Variants in ABCA8 observed in about 807,000 individuals in gnomAD.
The protein encoded by ABCA8 is ABC-type organic anion transporter ABCA8.
ABCA8 carries 177 observed loss-of-function variants against 192.3 expected under a neutral mutation model. The ratio of observed to expected loss-of-function variants is 0.92; its 90% confidence interval spans 0.81 to 1.04. ABCA8 has a LOEUF of 1.04. ABCA8 is among the 50% of genes least tolerant of loss of function. The probability of loss-of-function intolerance (pLI) is 0.00; values close to 1 mark genes in which losing one functional copy is unlikely to be tolerated. For synonymous variants in ABCA8, 642 were observed against 690.2 expected, an observed-to-expected ratio of 0.93 and a Z score of 1.09; for missense variants, 1,915 against 1,904.8, an observed-to-expected ratio of 1.01 and a Z score of -0.10.
At chr17:68,910,723 G>C (rs1037842532) in intron 17 of ABCA8, among the ~76,000 whole-genome samples, 7 of 152,120 alleles carry the variant, frequency 4.6e-5, no homozygotes, top group African/African-American at 1.7e-4. Context: ...ATAGGATTTT[G>C]TTTTCCAACT....
At chr17:68,917,817 G>A (rs890452107) in intron 16 of ABCA8, among the ~76,000 whole-genome samples, 1 of 152,112 alleles carries the variant, frequency 6.6e-6, no homozygotes, top group Admixed American at 6.5e-5. Flanking sequence ...TGCAATAAGC[G>A]AGTTTCCTGG....
chr17:68,928,761 A>C (rs550873114), intron 9 of ABCA8, among the ~76,000 whole-genome samples: 3 of 152,206 alleles, frequency 2.0e-5, no homozygotes, highest in African/African-American at 7.2e-5. Flanking sequence ...AGTTATTTAT[A>C]ATTAGATTTG....
chr17:68,922,194 CTTTTTTTTTTTTTTTTTTT>C (rs201226205), intron 12 of ABCA8, 29 bp downstream of exon 12: 114 of 527,404 alleles, frequency 2.2e-4, no homozygotes, highest in African/African-American at 1.4e-3. Context: ...TTCTCTCTCT[CTTTTTTTTTTTTTTTTTTT>C]TTTTTTTTTT....
chr17:68,936,232 T>A (rs2068061393), intron 5 of ABCA8, among the ~76,000 whole-genome samples: 1 of 152,068 alleles, frequency 6.6e-6, no homozygotes, highest in Admixed American at 6.5e-5. Flanking sequence ...TTTTGAGAAC[T>A]AAGTCACAAA....
rs1220025896 is a variant in ABCA8 at position 68,940,969 on chromosome 17, A to G, written c.97-7T>C. The G allele has an allele frequency of 3.2e-6, 5 of 1,569,118 alleles. No individual in the cohort carries two copies. Among genetic ancestry groups the G allele is most frequent in the Non-Finnish European group, 4.4e-6 (5 of 1,144,168 alleles). ...GCAATGAATTCAGCCATTCCTATATAATACAGGAAAAAAGATAAAGAAAAG... is the reference window on the plus strand; with the variant it reads ...GCAATGAATTCAGCCATTCCTATATGATACAGGAAAAAAGATAAAGAAAAG... On this transcript the variant is annotated splice_region_variant and splice_polypyrimidine_tract_variant and intron_variant, in intron 3 of 39. Coordinates refer to ENST00000586539, the MANE Select transcript of ABCA8 (RefSeq NM_001288985.2).
At chr17:68,877,919 G>A (rs1166784456) in intron 32 of ABCA8, 5 of 401,350 alleles carry the variant, frequency 1.2e-5, no homozygotes, top group African/African-American at 6.1e-5. Context: ...CATAAATGTG[G>A]TGCCTGTCCA....
At position 68,919,366 on chromosome 17, in the gene ABCA8, C is replaced by A. The variant is rs760516635; in HGVS notation, c.1723G>T (p.Val575Leu). Residue 575 changes from valine (V) to leucine (L), a missense_variant, in exon 14 of 40, where the codon GTA (valine) becomes TTA (leucine). Coordinates refer to ENST00000586539, the MANE Select transcript of ABCA8 (RefSeq NM_001288985.2). Reference protein sequence around the residue: ...QSNVQFDFLTVRENLRLFAKI... With the variant: ...QSNVQFDFLTLRENLRLFAKI... Reference sequence around the variant, plus strand: ...GCAAAGAGTCTGAGGTTTTCTCTTACAGTGAGGAAGTCAAATTGCACATTG... The same window carrying A: ...GCAAAGAGTCTGAGGTTTTCTCTTAAAGTGAGGAAGTCAAATTGCACATTG... 6.2e-7 allele frequency: 1 copy of A among 1,613,968 alleles called. No individual in the cohort carries two copies. The highest frequency in any genetic ancestry group is 1.3e-5 in the African/African-American group (1 of 75,038).
intron 35 of ABCA8, chr17:68,876,174 T>C (rs984702251): frequency 2.0e-6 from 1 of 511,274 alleles, no homozygotes; most frequent in African/African-American, 1.9e-5. Context: ...CACTACGTGA[T>C]TGTGATCTAG....
rs574865019 is a variant in ABCA8, at chr17:68,895,951, C to T, written c.2765-938G>A. On this transcript the variant is annotated intron_variant, in intron 21 of 39. Transcript: ENST00000586539. Reference sequence around the variant, plus strand: ...GAGTTTCCACGACAGGAGAGGCAAGCTGAGAAGACCAGAGGCCACCACCCC... The same window carrying T: ...GAGTTTCCACGACAGGAGAGGCAAGTTGAGAAGACCAGAGGCCACCACCCC... 7.2e-5 allele frequency among the ~76,000 whole-genome samples: 11 copies of T among 152,214 alleles called. No homozygotes were observed. In the South Asian group the frequency reaches 2.3e-3, roughly 32 times the overall value.
At chr17:68,912,290 G>C (rs56285038) in intron 17 of ABCA8, among the ~76,000 whole-genome samples, 1 of 151,838 alleles carries the variant, frequency 6.6e-6, no homozygotes, top group South Asian at 2.1e-4. Context: ...AAAATCAAGC[G>C]GAAATTCTGG....
intron 33 of ABCA8, 85 bp downstream of exon 33, chr17:68,877,434 A>G: frequency 2.3e-6 from 3 of 1,330,380 alleles, no homozygotes; most frequent in Non-Finnish European, 3.0e-6. Flanking sequence ...AGAGTCTCCC[A>G]TCCTGAATTT....
chr17:68,920,704 G>A (rs967027053), intron 13 of ABCA8, among the ~76,000 whole-genome samples: 1 of 152,094 alleles, frequency 6.6e-6, no homozygotes, highest in Non-Finnish European at 1.5e-5. Flanking sequence ...TTTACCACAG[G>A]TGCTGGAGAG....
At position 68,953,612 on chromosome 17, in the gene ABCA8, C is replaced by T. The variant is rs73998584; in HGVS notation, c.-167+1607G>A. ...GACCAAGTAAAGAGGTCAGAGAGCC[C>T]ATGGAAGGAGAAGAGGGAAAGACAG... On this transcript the variant is annotated intron_variant, in intron 1 of 39. Coordinates refer to ENST00000586539, the MANE Select transcript of ABCA8 (RefSeq NM_001288985.2). Among the ~76,000 whole-genome samples, 4 of 152,120 alleles carry T rather than the reference C, an allele frequency of 2.6e-5. No homozygotes were observed. The South Asian group carries it at 8.3e-4, about 32-fold the overall frequency.
intron 21 of ABCA8, among the ~76,000 whole-genome samples, chr17:68,895,585 GT>G (rs2143423016): frequency 6.6e-6 from 1 of 152,304 alleles, no homozygotes; most frequent in East Asian, 1.9e-4. Context: ...CTGAGAAATT[GT>G]GGCATTTGAG....
chr17:68,898,587 C>G (rs2066827639), intron 21 of ABCA8, among the ~76,000 whole-genome samples: 1 of 152,046 alleles, frequency 6.6e-6, no homozygotes, highest in East Asian at 1.9e-4. Flanking sequence ...TTTTCCCTCT[C>G]TTGTATTAAC....
chr17:68,886,890 T>C, intron 26 of ABCA8, 127 bp downstream of exon 26: 1 of 462,154 alleles, frequency 2.2e-6, no homozygotes. Flanking sequence ...TGTCAGTAAC[T>C]GAATTTGTAA....
chr17:68,895,770 G>A (rs536718123), intron 21 of ABCA8, among the ~76,000 whole-genome samples: 4 of 152,274 alleles, frequency 2.6e-5, no homozygotes, highest in Non-Finnish European at 5.9e-5. Context: ...CCACATCTGC[G>A]TTGCAGAAGA....
rs767252862 is a variant in ABCA8, at chr17:68,887,113, A to G, written c.3333T>C (p.Gly1111=). 1 of 1,608,390 alleles carries G rather than the reference A, an allele frequency of 6.2e-7. No homozygotes were observed. The highest frequency in any genetic ancestry group is 8.5e-7 in the Non-Finnish European group (1 of 1,176,864). The change falls in exon 26 of 40, where the codon GGT becomes GGC. Residue 1111 remains glycine (G), a synonymous_variant. Transcript: ENST00000586539. ...IHIIQIPCAV[G]YSFSLIFMTY... ...TCATGAAGATGAGGGAAAAGGAATA[A>G]CCAACAGCACATGGGATCTAAAATC...
intron 37 of ABCA8, among the ~76,000 whole-genome samples, chr17:68,872,397 GA>G (rs1362954887): frequency 7.2e-6 from 1 of 139,250 alleles, no homozygotes; most frequent in Non-Finnish European, 1.5e-5. Context: ...ATGGACACAG[GA>G]AGGGGAATAT....
Sources: allele counts gnomAD v4.1 joint callset (sites outside exome capture counted in the v4.1 genomes callset), GRCh38; gene constraint gnomAD v4.1.1; transcripts MANE v1.5; gene names NCBI Gene and HGNC (gene_info 2026-07-23, HGNC 2026-07-21).